The following SETDB2 variants were observed in gnomAD, a reference collection of about 807,000 sequenced individuals.
SETDB2 encodes SET domain bifurcated histone lysine methyltransferase 2.
In SETDB2, 56 loss-of-function variants were observed where a neutral mutation model predicts 82.5. The observed-to-expected ratio is 0.68, with a 90% CI of 0.55 to 0.85. The LOEUF is 0.85. Among genes scored for constraint, SETDB2 ranks in the 40% least tolerant of loss-of-function variants. The pLI is 0.00. For missense variants in SETDB2, 677 were observed against 816.4 expected (o/e 0.83, Z 2.08); for synonymous variants, 272 against 284.9 (o/e 0.95, Z 0.46).
chr13:49,473,301 G>C (rs113727362), intron 5 of SETDB2, among the ~76,000 whole-genome samples: 6,275 of 152,056 alleles, frequency 0.041, 207 homozygotes, highest in African/African-American at 0.094. Flanking sequence ...TGTAATCCTA[G>C]TACTTTGGGA....
At chr13:49,475,103 C>T (rs1594163314) in intron 5 of SETDB2, among the ~76,000 whole-genome samples, 1 of 152,200 alleles carries the variant, frequency 6.6e-6, no homozygotes, top group East Asian at 1.9e-4. Flanking sequence ...GGAGAGGCCT[C>T]ACACTCATGG....
intron 11 of SETDB2, chr13:49,485,985 T>C: frequency 3.3e-6 from 2 of 611,966 alleles, no homozygotes; most frequent in Non-Finnish European, 5.8e-6. Context: ...GATAATATTT[T>C]GACACTTGAA....
At chr13:49,451,411 T>C (rs1023257934) in intron 1 of SETDB2, 142 bp from the exon 2 acceptor site, 1 of 149,658 alleles carries the variant, frequency 6.7e-6, no homozygotes, top group African/African-American at 2.4e-5. Context: ...ATAATGTTTT[T>C]TTGTAATGGT....
At position 49,457,375 on chromosome 13, in the gene SETDB2, T is replaced by G. The variant is rs528233943; in HGVS notation, c.17-2732T>G. The stretch of plus-strand genomic sequence containing the variant: ...CATTTCTAAGACTTTTTTTTTTTAA[T>G]AACTCATTTTAAGTATTTCCTACCA... On this transcript the variant is annotated intron_variant, in intron 2 of 13. Transcript: ENST00000611815. Among the ~76,000 whole-genome samples the G allele has an allele frequency of 2.8e-5, 4 of 141,274 alleles. No individual in the cohort carries two copies. In the South Asian group the frequency reaches 9.5e-4, roughly 34 times the overall value. 92.7% of individuals were successfully genotyped at this position (141,274 alleles called of 152,430 possible).
intron 11 of SETDB2, 196 bp downstream of exon 11, chr13:49,485,919 C>A: frequency 1.4e-6 from 1 of 696,034 alleles, no homozygotes; most frequent in Non-Finnish European, 2.6e-6. Flanking sequence ...TTCAGTATGG[C>A]ATGTGAGCTA....
intron 5 of SETDB2, among the ~76,000 whole-genome samples, chr13:49,472,069 C>T (rs1249879208): frequency 6.6e-6 from 1 of 151,384 alleles, no homozygotes; most frequent in East Asian, 1.9e-4. Flanking sequence ...CCGCACCCAA[C>T]CATTTTTTTT....
chr13:49,454,681 A>T (rs1345420795), intron 2 of SETDB2, among the ~76,000 whole-genome samples: 1 of 152,262 alleles, frequency 6.6e-6, no homozygotes, highest in Non-Finnish European at 1.5e-5. Flanking sequence ...AAATTTGCAT[A>T]CGTTATTAGT....
intron 2 of SETDB2, among the ~76,000 whole-genome samples, chr13:49,456,537 T>C (rs530943531): frequency 6.6e-6 from 1 of 152,288 alleles, no homozygotes; most frequent in East Asian, 1.9e-4. Context: ...AGCAGCAATA[T>C]TAGTATGCTG....
In SETDB2 at chr13:49,451,866, A is replaced by C; in HGVS notation, c.-28A>C. On this transcript the variant is annotated 5_prime_UTR_variant, in exon 2 of 14. Coordinates refer to ENST00000611815, the MANE Select transcript of SETDB2 (RefSeq NM_001160308.3). ...GATTTGATAAACCTAATTTTGAAGC[A>C]TTTTATATTTATAAGCGACATCAAA... 6.3e-7 allele frequency: 1 copy of C among 1,581,890 alleles called. No individual in the cohort carries two copies. Among genetic ancestry groups the C allele is most frequent in the Non-Finnish European group, 8.6e-7 (1 of 1,156,918 alleles).
chr13:49,447,849 A>T (rs901354995), intron 1 of SETDB2, among the ~76,000 whole-genome samples: 2 of 151,896 alleles, frequency 1.3e-5, no homozygotes, highest in African/African-American at 4.8e-5. Context: ...CTTATCTCAT[A>T]AAAAAAAGTT....
At position 49,476,917 on chromosome 13, in the gene SETDB2, T is replaced by C. The variant is rs1226871899; in HGVS notation, c.747T>C (p.Ile249=). 1 of 1,614,196 alleles carries C rather than the reference T, an allele frequency of 6.2e-7. No individual in the cohort carries two copies. The highest frequency in any genetic ancestry group is 1.1e-5 in the South Asian group (1 of 91,088). The change falls in exon 6 of 14, where the codon ATT becomes ATC. Residue 249 remains isoleucine (I), a synonymous_variant. Coordinates refer to ENST00000611815, the MANE Select transcript of SETDB2 (RefSeq NM_001160308.3). ...ESVPISFCNE[I]DSRKLPQFKY... is the part of the protein sequence containing the mutation. ...TGCCCATTTCTTTCTGTAATGAAAT[T>C]GACAGTAGAAAGCTCCCACAGTTTA...
chr13:49,480,425 T>C (rs1447182121), intron 7 of SETDB2, 90 bp downstream of exon 7: 5 of 768,728 alleles, frequency 6.5e-6, no homozygotes, highest in Non-Finnish European at 1.0e-5. Context: ...AGATGTTAAA[T>C]CTGGTTTAAT....
At chr13:49,444,972 TTAAG>T (rs1428897672) in intron 1 of SETDB2, 115 bp downstream of exon 1, 4 of 152,094 alleles carry the variant, frequency 2.6e-5, no homozygotes, top group African/African-American at 2.4e-5. Flanking sequence ...CAATAAGTAA[TTAAG>T]TAAGGAAAGA....
In SETDB2 at chr13:49,482,872, T is replaced by G. The variant is rs1197271418; in HGVS notation, c.1292T>G (p.Val431Gly). Reference protein sequence around the residue: ...EVACSDCEVEVLPLGLETHPR... With the variant: ...EVACSDCEVEGLPLGLETHPR... ...GCATGTTCAGATTGTGAAGTTGAAG[T>G]TCTCCCATTAGGATTGGAAACACAT... is the stretch of plus-strand genomic sequence containing the variant. The change falls in exon 9 of 14, where the codon GTT becomes GGT. Residue 431 changes from valine (V) to glycine (G), a missense_variant. Physicochemically the swap from Val to Gly is moderately radical, Grantham distance 109. Transcript: ENST00000611815. The G allele has an allele frequency of 1.2e-6, 2 of 1,613,454 alleles. No individual in the cohort carries two copies. Among genetic ancestry groups the G allele is most frequent in the East Asian group, 2.2e-5 (1 of 44,778 alleles).
At chr13:49,446,548 C>G (rs1566150777) in intron 1 of SETDB2, 2 of 351,124 alleles carry the variant, frequency 5.7e-6, no homozygotes, top group African/African-American at 2.2e-5. Flanking sequence ...TGGAAAAATA[C>G]TATACTACAT....
intron 2 of SETDB2, 110 bp from the exon 3 acceptor site, chr13:49,459,997 T>G: frequency 2.8e-6 from 3 of 1,063,654 alleles, no homozygotes; most frequent in Non-Finnish European, 4.0e-6. Flanking sequence ...ATAGACCAGA[T>G]GAGTCTTGAT....
intron 5 of SETDB2, among the ~76,000 whole-genome samples, chr13:49,471,934 ATTT>A (rs35468680): frequency 2.1e-4 from 25 of 119,244 alleles, no homozygotes; most frequent in South Asian, 5.8e-4. Context: ...ATATATATAT[ATTT>A]TTTTTTTTTT....
intron 2 of SETDB2, among the ~76,000 whole-genome samples, chr13:49,453,500 A>T (rs1349918885): frequency 6.6e-6 from 1 of 151,576 alleles, no homozygotes; most frequent in Non-Finnish European, 1.5e-5. Flanking sequence ...GTTTCACCAT[A>T]TTGGCCAGGC....
intron 2 of SETDB2, among the ~76,000 whole-genome samples, chr13:49,453,687 C>T (rs558162805): frequency 2.0e-4 from 30 of 152,172 alleles, no homozygotes; most frequent in African/African-American, 6.0e-4. Flanking sequence ...TTTTGGCACT[C>T]GAAGATTGCT....
Sources: gnomAD v4.1 joint callset for allele counts (sites outside exome capture counted in the v4.1 genomes callset) on GRCh38, gnomAD v4.1.1 for gene constraint, MANE v1.5 for transcripts, NCBI Gene and HGNC (gene_info 2026-07-23, HGNC 2026-07-21) for gene names.